GALNT18: variants seen among roughly 807,000 people sequenced by gnomAD.
GALNT18 encodes the protein polypeptide N-acetylgalactosaminyltransferase 18.
In GALNT18, 44 loss-of-function variants were observed where a neutral mutation model predicts 69.5. That is an observed-to-expected ratio of 0.63 (90% CI 0.50 to 0.81). The LOEUF (loss-of-function observed/expected upper bound fraction) is 0.81. Ranked by LOEUF, GALNT18 falls within the 40% of genes least tolerant of loss-of-function variation. The pLI is 0.00. For synonymous variants in GALNT18, 364 were observed against 318.2 expected (o/e 1.14, Z -1.53); for missense variants, 715 against 810.0 (o/e 0.88, Z 1.42).
At chr11:11,517,443 G>A (rs1489698278) in intron 1 of GALNT18, among the ~76,000 whole-genome samples, 1 of 152,112 alleles carries the variant, frequency 6.6e-6, no homozygotes, top group African/African-American at 2.4e-5. Flanking sequence ...AAATAAAGAG[G>A]GGGAAGAAAG....
chr11:11,394,242 G>A (rs371946969), intron 3 of GALNT18, among the ~76,000 whole-genome samples: 2 of 152,174 alleles, frequency 1.3e-5, no homozygotes, highest in Non-Finnish European at 2.9e-5. Context: ...GGAGGATAAA[G>A]GGGGCATTAA....
chr11:11,345,899 T>A (rs1850293769), intron 6 of GALNT18, among the ~76,000 whole-genome samples: 1 of 152,122 alleles, frequency 6.6e-6, no homozygotes, highest in Admixed American at 6.5e-5. Flanking sequence ...GGGCATGTGC[T>A]GAGTCCTGCA....
rs7105266 is a variant in GALNT18, at chr11:11,316,186, C to T, written c.1512+10900G>A. On this transcript the variant is annotated intron_variant, in intron 9 of 10. Transcript: ENST00000227756. ...CAGACACCTGAGCAATGAAACCACA[C>T]GCCACGGAGTCATGGAGGGCACAAG... Among the ~76,000 whole-genome samples, 1,087 of 152,284 alleles carry T rather than the reference C, an allele frequency of 7.1e-3. 15 individuals are homozygous for T. The highest frequency in any genetic ancestry group is 0.024 in the African/African-American group (993 of 41,554).
At chr11:11,272,794 TTG>T (rs1167811137) in intron 10 of GALNT18, among the ~76,000 whole-genome samples, 1 of 152,160 alleles carries the variant, frequency 6.6e-6, no homozygotes, top group African/African-American at 2.4e-5. Flanking sequence ...GCTCTTCACT[TTG>T]TGCCTTTTCC....
intron 1 of GALNT18, among the ~76,000 whole-genome samples, chr11:11,580,855 A>T (rs1412999282): frequency 4.6e-5 from 7 of 152,148 alleles, no homozygotes; most frequent in Non-Finnish European, 1.0e-4. Flanking sequence ...TAGCCACAGG[A>T]TCCAGGGTTA....
rs574418005 is a variant in GALNT18 at position 11,389,887 on chromosome 11, G to A, written c.596-10623C>T. 2.0e-3 allele frequency among the ~76,000 whole-genome samples: 307 copies of A among 152,226 alleles called. No homozygotes were observed. Among genetic ancestry groups the A allele is most frequent in the Non-Finnish European group, 3.6e-3 (243 of 68,012 alleles). ...CAGTGCCCTTAGCAGTTAAGCCAGA[G>A]GCCAACTTGAATTTTGGTGCTGGCT... is the stretch of plus-strand genomic sequence containing the variant. On this transcript the variant is annotated intron_variant, in intron 3 of 10. Coordinates refer to ENST00000227756, the MANE Select transcript of GALNT18 (RefSeq NM_198516.3). This position sits in a 1 kb window ranked among gnomAD's most constrained non-coding sequence, Gnocchi z 4.3.
chr11:11,409,214 G>A (rs1214057109), intron 3 of GALNT18, among the ~76,000 whole-genome samples: 2 of 152,174 alleles, frequency 1.3e-5, no homozygotes, highest in Non-Finnish European at 2.9e-5. Context: ...GCTCATGGGG[G>A]CAGCCAGGAT....
At chr11:11,425,608 A>T (rs546164141) in intron 3 of GALNT18, among the ~76,000 whole-genome samples, 70 of 151,768 alleles carry the variant, frequency 4.6e-4, no homozygotes, top group Admixed American at 8.6e-4. Flanking sequence ...TGACTACAGC[A>T]AAGAAAACTT....
chr11:11,330,089 C>T (rs973902118), intron 8 of GALNT18, among the ~76,000 whole-genome samples: 1 of 152,150 alleles, frequency 6.6e-6, no homozygotes, highest in Non-Finnish European at 1.5e-5. Context: ...ACATGAAGCT[C>T]AATGATCCAG....
Position 11,340,962 on chromosome 11 carries a change from G to T in GALNT18, c.1135C>A (p.Arg379=). The T allele has an allele frequency of 6.2e-7, 1 of 1,613,134 alleles. No individual in the cohort carries two copies. Among genetic ancestry groups the T allele is most frequent in the South Asian group, 1.1e-5 (1 of 90,898 alleles). The change falls in exon 7 of 11, where the codon CGG becomes AGG. Residue 379 remains arginine, a synonymous_variant. Coordinates refer to ENST00000227756, the MANE Select transcript of GALNT18 (RefSeq NM_198516.3). This position sits in a 1 kb window ranked among gnomAD's most constrained non-coding sequence, Gnocchi z 4.2. ...TGGGCTCGCTCAATGTGGGCAATCC[G>T]TGAGCAGGGCAGGACCTCCACACTC... ...GGSVEVLPCS[R]IAHIERAHKP...
In GALNT18 at chr11:11,598,367, C is replaced by T. The variant is rs529717812; in HGVS notation, c.235+22992G>A. ...AAATCAAGGTGTCAGCAGGGCTATA[C>T]TTCTTTGCAGGCTCTAGAGGAGAAT... On this transcript the variant is annotated intron_variant, in intron 1 of 10. Transcript: ENST00000227756. This position sits in a 1 kb window ranked among gnomAD's most constrained non-coding sequence, Gnocchi z 4.8. 1.9e-3 allele frequency among the ~76,000 whole-genome samples: 285 copies of T among 152,310 alleles called. 1 individual carries two copies. The highest frequency in any genetic ancestry group is 6.4e-3 in the African/African-American group (268 of 41,588).
At chr11:11,355,707 C>T (rs913885666) in intron 6 of GALNT18, among the ~76,000 whole-genome samples, 2 of 152,142 alleles carry the variant, frequency 1.3e-5, no homozygotes, top group African/African-American at 2.4e-5. Context: ...CTCTATATTA[C>T]TACAATCCTA....
intron 1 of GALNT18, among the ~76,000 whole-genome samples, chr11:11,557,394 G>C (rs1858357409): frequency 6.6e-6 from 1 of 152,088 alleles, no homozygotes; most frequent in African/African-American, 2.4e-5. Flanking sequence ...TGTGACCTTG[G>C]GGAAATTACT....
chr11:11,331,468 T>C (rs982406191), intron 8 of GALNT18, among the ~76,000 whole-genome samples: 1 of 152,180 alleles, frequency 6.6e-6, no homozygotes, highest in Admixed American at 6.5e-5. Context: ...GAGCCCAATT[T>C]CTCAGCAGAT....
In GALNT18 at chr11:11,496,516, G is replaced by T. The variant is rs988994849; in HGVS notation, c.236-47580C>A. ...AAACAGAAGATGGTTCTTAGGAAAA[G>T]ATTTCCTCTTCATCAATTCTACTTT... On this transcript the variant is annotated intron_variant, in intron 1 of 10. Coordinates refer to ENST00000227756, the MANE Select transcript of GALNT18 (RefSeq NM_198516.3). This position sits in a 1 kb window ranked among gnomAD's most constrained non-coding sequence, Gnocchi z 4.0. 3.9e-5 allele frequency among the ~76,000 whole-genome samples: 6 copies of T among 152,218 alleles called. No homozygotes were observed. The highest frequency in any genetic ancestry group is 2.1e-4 in the South Asian group (1 of 4,822).
At chr11:11,429,947 C>T (rs955338674) in intron 3 of GALNT18, among the ~76,000 whole-genome samples, 5 of 152,058 alleles carry the variant, frequency 3.3e-5, no homozygotes, top group African/African-American at 1.2e-4. Context: ...TGAGACCTGG[C>T]TACCCAACGT....
intron 1 of GALNT18, among the ~76,000 whole-genome samples, chr11:11,608,924 T>C (rs937411830): frequency 1.3e-5 from 2 of 152,364 alleles, no homozygotes; most frequent in African/African-American, 4.8e-5. Flanking sequence ...TTAGTCCCTA[T>C]TCCTCCATGA....
rs974315250 is a variant in GALNT18 at position 11,619,303 on chromosome 11, A to AT, written c.235+2055dup. Among the ~76,000 whole-genome samples the AT allele has an allele frequency of 1.8e-4, 27 of 152,202 alleles. No individual in the cohort carries two copies. Among genetic ancestry groups the AT allele is most frequent in the South Asian group, 6.2e-4 (3 of 4,818 alleles). On this transcript the variant is annotated intron_variant, in intron 1 of 10. Coordinates refer to ENST00000227756, the MANE Select transcript of GALNT18 (RefSeq NM_198516.3). The surrounding 1 kb of genome is among the most constrained non-coding windows in gnomAD (Gnocchi z 4.9). ...ACGTGTTTTAGGGACCCTGTCTCCT[A>AT]TTTTTTTAACCTATCTTCTCCAATT...
intron 1 of GALNT18, among the ~76,000 whole-genome samples, chr11:11,524,036 T>A (rs72867143): frequency 0.23 from 35,411 of 152,008 alleles, 5,102 homozygotes; most frequent in South Asian, 0.37. Context: ...AGGTACCAGC[T>A]CTTGATTCAA....
Sources: gnomAD v4.1 joint callset for allele counts (sites outside exome capture counted in the v4.1 genomes callset) on GRCh38, gnomAD v4.1.1 for gene constraint, Gnocchi (gnomAD v3.1) non-coding constraint, MANE v1.5 for transcripts, NCBI Gene and HGNC (gene_info 2026-07-23, HGNC 2026-07-21) for gene names.